The following LDLRAD3 variants were observed in gnomAD, a reference collection of about 807,000 sequenced individuals.
LDLRAD3 encodes low density lipoprotein receptor class A domain containing 3, also known as low-density lipoprotein receptor class A domain-containing protein 3.
In LDLRAD3, 20 loss-of-function variants were observed where a neutral mutation model predicts 29.4. That is an observed-to-expected ratio of 0.68 (90% CI 0.48 to 0.99). The LOEUF (loss-of-function observed/expected upper bound fraction) is 0.99, where lower values mean the gene tolerates loss of function less well. Ranked by LOEUF, LDLRAD3 falls within the 50% of genes least tolerant of loss-of-function variation. LDLRAD3 has a pLI of 0.00. For missense variants in LDLRAD3, 420 were observed against 454.3 expected (o/e 0.92, Z 0.69); for synonymous variants, 157 against 192.7 (o/e 0.81, Z 1.53).
At chr11:36,211,858 CGCTCCCTGCATCCT>C (rs1256922955) in intron 4 of LDLRAD3, among the ~76,000 whole-genome samples, 1 of 152,174 alleles carries the variant, frequency 6.6e-6, no homozygotes, top group Non-Finnish European at 1.5e-5. Context: ...AAAGCATCTC[CGCTCCCTGCATCCT>C]GCTTGAGTTA....
chr11:35,998,048 A>G (rs558204291), intron 1 of LDLRAD3, among the ~76,000 whole-genome samples: 7 of 152,192 alleles, frequency 4.6e-5, no homozygotes, highest in African/African-American at 1.7e-4. Flanking sequence ...GGACAGGGTC[A>G]GGGCGTTCAC....
At chr11:36,095,494 ATTGAG>A (rs1278562242) in intron 3 of LDLRAD3, among the ~76,000 whole-genome samples, 5 of 151,678 alleles carry the variant, frequency 3.3e-5, no homozygotes, top group Admixed American at 1.3e-4. Context: ...CTTTTTTTCT[ATTGAG>A]TTATCTTTTC....
At chr11:36,168,498 C>CTTTTT (rs5791083) in intron 4 of LDLRAD3, among the ~76,000 whole-genome samples, 29 of 115,766 alleles carry the variant, frequency 2.5e-4, no homozygotes, top group East Asian at 4.6e-4. Context: ...TTTCTTTCTT[C>CTTTTT]TTTTTTTTTT....
rs1855539297 is a variant in LDLRAD3, at chr11:36,229,177, T to C, written c.818T>C (p.Leu273Pro). ...CATCACAGGCCTGCGTGGTATGACC[T>C]TCCTCCACCGCCCTACTCTTCTGAC... ...LLDQRPAWYDLPPPPYSSDTE... is the reference protein window; with the variant it reads ...LLDQRPAWYDPPPPPYSSDTE... Residue 273 changes from leucine (L) to proline (P), a missense_variant, in exon 6 of 6, where the codon CTT becomes CCT. Coordinates refer to ENST00000315571, the MANE Select transcript of LDLRAD3 (RefSeq NM_174902.4). 6.2e-7 allele frequency: 1 copy of C among 1,613,826 alleles called. No homozygotes were observed. The highest frequency in any genetic ancestry group is 8.5e-7 in the Non-Finnish European group (1 of 1,179,942).
intron 4 of LDLRAD3, among the ~76,000 whole-genome samples, chr11:36,164,479 G>A (rs1408059507): frequency 6.6e-6 from 1 of 152,250 alleles, no homozygotes; most frequent in African/African-American, 2.4e-5. Context: ...GGGTAAAAAA[G>A]CGAGAGTTGG....
At chr11:35,965,454 A>G (rs2958196) in intron 1 of LDLRAD3, among the ~76,000 whole-genome samples, 82,556 of 152,056 alleles carry the variant, frequency 0.54, 24,083 homozygotes, top group African/African-American at 0.76. Flanking sequence ...GCTTGACTGG[A>G]AGAGAGGAGG....
chr11:36,195,856 C>T (rs1466205860), intron 4 of LDLRAD3, among the ~76,000 whole-genome samples: 1 of 152,108 alleles, frequency 6.6e-6, no homozygotes, highest in Non-Finnish European at 1.5e-5. Context: ...CCCATATGTG[C>T]ATAAAATTCA....
intron 4 of LDLRAD3, among the ~76,000 whole-genome samples, chr11:36,180,116 C>T (rs763967703): frequency 6.6e-6 from 1 of 152,202 alleles, no homozygotes; most frequent in Non-Finnish European, 1.5e-5. Context: ...GTTCTGCATC[C>T]TGGTTCCAGG....
chr11:36,084,635 A>G (rs56225067), intron 3 of LDLRAD3, among the ~76,000 whole-genome samples: 39,077 of 152,156 alleles, frequency 0.26, 5,295 homozygotes, highest in Non-Finnish European at 0.3. Context: ...ATTGAAGAAT[A>G]CCAGCTAATA....
chr11:36,163,502 A>G (rs970547650), intron 4 of LDLRAD3: 1 of 152,206 alleles, frequency 6.6e-6, no homozygotes, highest in Non-Finnish European at 1.5e-5. Context: ...GTGTAGGTAA[A>G]TAGATTTCGG....
intron 4 of LDLRAD3, among the ~76,000 whole-genome samples, chr11:36,226,026 C>T (rs925096956): frequency 1.3e-5 from 2 of 151,932 alleles, no homozygotes; most frequent in African/African-American, 4.8e-5. Flanking sequence ...GAGATTGTGC[C>T]ACTGCACTCC....
intron 1 of LDLRAD3, among the ~76,000 whole-genome samples, chr11:35,968,830 T>TA (rs1851374442): frequency 1.3e-5 from 2 of 152,232 alleles, no homozygotes; most frequent in African/African-American, 4.8e-5. Flanking sequence ...TTATTTAACC[T>TA]GGCAGGTTTC....
intron 4 of LDLRAD3, among the ~76,000 whole-genome samples, chr11:36,115,716 G>A (rs1565233522): frequency 6.6e-6 from 1 of 152,198 alleles, no homozygotes; most frequent in Non-Finnish European, 1.5e-5. Context: ...TGGTGCTTCT[G>A]ATGGAAGCTG....
At chr11:35,952,711 G>C (rs558387722) in intron 1 of LDLRAD3, among the ~76,000 whole-genome samples, 1 of 152,132 alleles carries the variant, frequency 6.6e-6, no homozygotes, top group South Asian at 2.1e-4. Context: ...CAAATAGAAG[G>C]GCCCACTGTT....
intron 4 of LDLRAD3, among the ~76,000 whole-genome samples, chr11:36,160,306 TG>T (rs1279260186): frequency 6.6e-6 from 1 of 152,106 alleles, no homozygotes; most frequent in African/African-American, 2.4e-5. Context: ...CAGTGAATCC[TG>T]GGGGAAAATC....
chr11:35,949,335 G>C (rs1327480619), intron 1 of LDLRAD3, among the ~76,000 whole-genome samples: 3 of 152,318 alleles, frequency 2.0e-5, no homozygotes, highest in African/African-American at 7.2e-5. Flanking sequence ...TTCCCTGAAT[G>C]TTAAACCTGG....
rs375820795 is a variant in LDLRAD3, at chr11:36,066,566, A to T, written c.194-15087A>T. On this transcript the variant is annotated intron_variant, in intron 2 of 5. Transcript: ENST00000315571. Reference sequence around the variant, plus strand: ...CCACATATGTGTGTGCATTACAAATAGCCAAAATAAATAACCTTTAAAAAC... The same window carrying T: ...CCACATATGTGTGTGCATTACAAATTGCCAAAATAAATAACCTTTAAAAAC... Among the ~76,000 whole-genome samples, 10 of 152,368 alleles carry T rather than the reference A, an allele frequency of 6.6e-5. No individual in the cohort carries two copies. The South Asian group carries it at 2.1e-3, about 32-fold the overall frequency.
chr11:36,124,505 C>T (rs1048565780), intron 4 of LDLRAD3, among the ~76,000 whole-genome samples: 28 of 152,174 alleles, frequency 1.8e-4, no homozygotes, highest in Admixed American at 7.2e-4. Flanking sequence ...TGGTGATTCC[C>T]TTAACCACGG....
intron 4 of LDLRAD3, among the ~76,000 whole-genome samples, chr11:36,202,768 A>G (rs1565301270): frequency 6.6e-6 from 1 of 152,212 alleles, no homozygotes; most frequent in Non-Finnish European, 1.5e-5. Context: ...TACTACAGAT[A>G]GATGTCCCAG....
Sources: allele counts gnomAD v4.1 joint callset (sites outside exome capture counted in the v4.1 genomes callset), GRCh38; gene constraint gnomAD v4.1.1; transcripts MANE v1.5; gene names NCBI Gene and HGNC (gene_info 2026-07-23, HGNC 2026-07-21).